The following HOOK3 variants were observed in gnomAD, a reference collection of about 807,000 sequenced individuals.
The protein encoded by HOOK3 is protein Hook homolog 3.
A neutral mutation model predicts 116.3 loss-of-function variants in HOOK3; 24 were observed. That is an observed-to-expected ratio of 0.21 (90% confidence interval 0.15 to 0.29). HOOK3 has a LOEUF of 0.29. HOOK3 is among the 10% of genes least tolerant of loss of function. HOOK3 has a pLI of 1.00. For missense variants in HOOK3, 632 were observed against 830.2 expected (o/e 0.76, Z 2.93); for synonymous variants, 275 against 283.0 (o/e 0.97, Z 0.28).
intron 3 of HOOK3, among the ~76,000 whole-genome samples, chr8:42,929,309 C>G (rs1807829517): frequency 6.6e-6 from 1 of 152,128 alleles, no homozygotes. Context: ...TTCTTCCTTA[C>G]AAATAAATAT....
intron 2 of HOOK3, among the ~76,000 whole-genome samples, chr8:42,921,913 G>A (rs1301728256): frequency 6.6e-6 from 1 of 152,186 alleles, no homozygotes; most frequent in Non-Finnish European, 1.5e-5. Flanking sequence ...GTGAGGCCCA[G>A]CTATCTTAAG....
In HOOK3 at chr8:43,027,594, T is replaced by G. The variant is rs147723903; in HGVS notation, c.*9096T>G. On this transcript the variant is annotated 3_prime_UTR_variant, in exon 22 of 22. Coordinates refer to ENST00000307602, the MANE Select transcript of HOOK3 (RefSeq NM_032410.4). ...GGACTGCTTTTTTTCTCTCCCAAAT[T>G]AGAAAATTAAAAGTGAAACATAACA... 1.7e-5 allele frequency: 4 copies of G among 232,766 alleles called. No homozygotes were observed. Among genetic ancestry groups the G allele is most frequent in the Non-Finnish European group, 3.5e-5 (4 of 114,500 alleles). 14.4% of individuals were successfully genotyped at this position (232,766 alleles called of 1,614,324 possible).
intron 2 of HOOK3, among the ~76,000 whole-genome samples, chr8:42,906,610 G>T (rs910567390): frequency 3.3e-5 from 5 of 152,088 alleles, no homozygotes; most frequent in African/African-American, 1.2e-4. Context: ...TCTCATCAGT[G>T]GCACCTGCCC....
intron 14 of HOOK3, 58 bp downstream of exon 14, chr8:42,982,754 T>A (rs1808976405): frequency 8.6e-6 from 9 of 1,048,784 alleles, no homozygotes; most frequent in South Asian, 5.1e-5. Context: ...GAAAACGTAC[T>A]TCTCTACAAT....
chr8:42,978,947 C>T (rs1037469013), intron 13 of HOOK3, among the ~76,000 whole-genome samples: 4 of 152,214 alleles, frequency 2.6e-5, no homozygotes, highest in Admixed American at 2.0e-4. Context: ...ACACTTAACA[C>T]AATTATTTCA....
intron 4 of HOOK3, among the ~76,000 whole-genome samples, chr8:42,941,175 G>A (rs964549701): frequency 3.3e-5 from 5 of 151,046 alleles, no homozygotes; most frequent in Admixed American, 6.6e-5. Context: ...TCAAACTCCT[G>A]ACCTCAGGTG....
chr8:42,920,240 C>A (rs116876841), intron 2 of HOOK3, among the ~76,000 whole-genome samples: 4,460 of 152,216 alleles, frequency 0.029, 96 homozygotes, highest in African/African-American at 0.054. Flanking sequence ...GTCATCTCTT[C>A]CTAGTTTTGA....
At chr8:42,989,007 G>A (rs1586623851) in intron 15 of HOOK3, among the ~76,000 whole-genome samples, 1 of 152,148 alleles carries the variant, frequency 6.6e-6, no homozygotes, top group African/African-American at 2.4e-5. Flanking sequence ...CACTGCCCAT[G>A]TATGTCACCT....
At chr8:42,931,376 T>A (rs1458206194) in intron 4 of HOOK3, among the ~76,000 whole-genome samples, 2 of 152,004 alleles carry the variant, frequency 1.3e-5, no homozygotes, top group East Asian at 3.9e-4. Flanking sequence ...GCAGTCTCCT[T>A]ATTTGTTGGT....
chr8:42,989,481 C>T (rs1179338842), intron 15 of HOOK3, among the ~76,000 whole-genome samples: 4 of 151,944 alleles, frequency 2.6e-5, no homozygotes, highest in African/African-American at 9.7e-5. Context: ...TTTGTGGGTA[C>T]ATAGTAGGTA....
chr8:42,969,688 T>C (rs1383896765), intron 11 of HOOK3, among the ~76,000 whole-genome samples: 1 of 152,180 alleles, frequency 6.6e-6, no homozygotes, highest in Non-Finnish European at 1.5e-5. Context: ...ATTTGCCAAT[T>C]AGATGGGTAT....
chr8:43,018,309 A>G (rs1032508356), intron 21 of HOOK3, 49 bp from the exon 22 acceptor site: 1 of 1,516,146 alleles, frequency 6.6e-7, no homozygotes, highest in Non-Finnish European at 8.9e-7. Flanking sequence ...TTTGTGAAGT[A>G]TGTTCCACTA....
At chr8:42,980,752 C>T (rs1032623491) in intron 13 of HOOK3, among the ~76,000 whole-genome samples, 3 of 151,994 alleles carry the variant, frequency 2.0e-5, no homozygotes, top group Non-Finnish European at 4.4e-5. Flanking sequence ...GGTGTGGAGA[C>T]GGGTGCCTGT....
In HOOK3 at chr8:43,025,822, C is replaced by T. The variant is rs1033244060; in HGVS notation, c.*7324C>T. ...CAATTTTATGTCCTTCTTACTTACACACAGTAGCCCCACACAGTTTTGTTT... is the reference window on the plus strand; with the variant it reads ...CAATTTTATGTCCTTCTTACTTACATACAGTAGCCCCACACAGTTTTGTTT... On this transcript the variant is annotated 3_prime_UTR_variant, in exon 22 of 22. Coordinates refer to ENST00000307602, the MANE Select transcript of HOOK3 (RefSeq NM_032410.4). The T allele has an allele frequency of 4.7e-6, 1 of 210,650 alleles. No homozygotes were observed. The highest frequency in any genetic ancestry group is 2.3e-5 in the African/African-American group (1 of 44,012). The allele number at this position is 210,650 out of a possible 1,614,324, so 13.0% of individuals were successfully genotyped here. A position where few individuals can be genotyped will look rare whatever the true frequency, so the allele number is the denominator to read the frequency against.
At chr8:42,933,390 CAT>C (rs1278928074) in intron 4 of HOOK3, among the ~76,000 whole-genome samples, 1 of 152,188 alleles carries the variant, frequency 6.6e-6, no homozygotes, top group Admixed American at 6.5e-5. Flanking sequence ...GGAAAGGTAA[CAT>C]GATGCATACA....
intron 6 of HOOK3, among the ~76,000 whole-genome samples, chr8:42,955,990 C>T (rs1248677072): frequency 6.6e-6 from 1 of 152,148 alleles, no homozygotes; most frequent in African/African-American, 2.4e-5. Context: ...ACCCCAGCCT[C>T]CCGAGTAGCT....
At chr8:42,964,996 C>T (rs995014997) in intron 9 of HOOK3, among the ~76,000 whole-genome samples, 7 of 152,172 alleles carry the variant, frequency 4.6e-5, no homozygotes, top group African/African-American at 1.7e-4. Context: ...GGCAGAATGC[C>T]GCAACTATAG....
At chr8:42,953,564 A>AG (rs1001120283) in intron 6 of HOOK3, among the ~76,000 whole-genome samples, 9 of 151,696 alleles carry the variant, frequency 5.9e-5, no homozygotes, top group African/African-American at 1.7e-4. Context: ...ACTCCATCTC[A>AG]GAAAAAAAAA....
chr8:42,927,282 A>C (rs1476939894), intron 3 of HOOK3, among the ~76,000 whole-genome samples: 2 of 128,062 alleles, frequency 1.6e-5, no homozygotes, highest in Non-Finnish European at 3.2e-5. Flanking sequence ...TTTTGGAGAC[A>C]GTCTCACCTT....
Sources: gnomAD v4.1 joint callset for allele counts (sites outside exome capture counted in the v4.1 genomes callset) on GRCh38, gnomAD v4.1.1 for gene constraint, MANE v1.5 for transcripts, NCBI Gene and HGNC (gene_info 2026-07-23, HGNC 2026-07-21) for gene names.